Variants in AMZ1 observed in about 807,000 individuals in gnomAD.
AMZ1 encodes archaelysin family metallopeptidase 1.
A neutral mutation model predicts 29.9 loss-of-function variants in AMZ1; 39 were observed. That is an observed-to-expected ratio of 1.30 (90% confidence interval 1.01 to 1.70). AMZ1 has a LOEUF of 1.70. AMZ1 is among the 40% of genes most tolerant of loss of function. The pLI, the probability that AMZ1 is intolerant of heterozygous loss-of-function variation, is 0.00. For missense variants in AMZ1, 1,041 were observed against 680.6 expected (o/e 1.53, Z -5.89); for synonymous variants, 458 against 304.0 (o/e 1.51, Z -5.27).
chr7:2,746,735 T>G (rs868257191), intron 4 of AMZ1, among the ~76,000 whole-genome samples: 154 of 151,860 alleles, frequency 1.0e-3, no homozygotes, highest in African/African-American at 3.6e-3. Context: ...CAGGAGCTGG[T>G]TTTTTGAAAA....
intron 4 of AMZ1, among the ~76,000 whole-genome samples, chr7:2,745,785 C>G (rs1243361777): frequency 2.0e-5 from 3 of 152,106 alleles, no homozygotes; most frequent in Admixed American, 2.0e-4. Flanking sequence ...ATCTCACGTG[C>G]AGAGACACAC....
At chr7:2,749,378 A>G (rs562783537) in intron 4 of AMZ1, among the ~76,000 whole-genome samples, 9 of 152,266 alleles carry the variant, frequency 5.9e-5, no homozygotes, top group African/African-American at 2.2e-4. Flanking sequence ...GGATGAAACT[A>G]GAAACCATCA....
chr7:2,709,569 G>A lies in AMZ1; in HGVS notation c.772-71G>A. On this transcript the variant is annotated intron_variant, in intron 5 of 6. Coordinates refer to ENST00000683327, the MANE Select transcript of AMZ1 (RefSeq NM_001384743.1). ...CCAGGTCCTCATTTTGGTCCTGCTG[G>A]GGCTGCCTGGGGATCTGCCGGATGC... The A allele has an allele frequency of 1.9e-6, 3 of 1,551,534 alleles. No homozygotes were observed. The South Asian group carries it at 3.5e-5, about 18-fold the overall frequency.
rs1003202874 is a variant in AMZ1, at chr7:2,680,772, G to A, written c.-219+1101G>A. Among the ~76,000 whole-genome samples, 4 of 152,354 alleles carry A rather than the reference G, an allele frequency of 2.6e-5. No homozygotes were observed. The South Asian group carries it at 6.2e-4, about 24-fold the overall frequency. On this transcript the variant is annotated intron_variant, in intron 1 of 6. Coordinates refer to the AMZ1 transcript ENST00000312371. ...CAGGCCTGCCCAGCGCAGCCCATGC[G>A]CTCACTGGGGGCTCCTTCCCAGGGC...
chr7:2,707,386 G>T (rs798569), intron 3 of AMZ1, among the ~76,000 whole-genome samples: 9,537 of 151,812 alleles, frequency 0.063, 991 homozygotes, highest in African/African-American at 0.22. Context: ...CCTCTGTGCC[G>T]CAACCCCTCT....
At chr7:2,752,252 A>G (rs1791077767) in intron 4 of AMZ1, among the ~76,000 whole-genome samples, 1 of 152,214 alleles carries the variant, frequency 6.6e-6, no homozygotes, top group Non-Finnish European at 1.5e-5. Flanking sequence ...GCTTAAAAAA[A>G]AAGTCCTCTC....
At chr7:2,751,268 C>G (rs912755047) in intron 4 of AMZ1, among the ~76,000 whole-genome samples, 2 of 151,886 alleles carry the variant, frequency 1.3e-5, no homozygotes, top group African/African-American at 4.8e-5. Context: ...TGCTTGTAGT[C>G]CCAGCTACTC....
chr7:2,703,099 C>A lies in AMZ1; in HGVS notation c.472+210C>A, dbSNP rs116537521. Among the ~76,000 whole-genome samples the A allele has an allele frequency of 2.5e-3, 378 of 152,330 alleles. 1 individual carries two copies. Among genetic ancestry groups the A allele is most frequent in the African/African-American group, 8.9e-3 (370 of 41,586 alleles). On this transcript the variant is annotated intron_variant, in intron 3 of 6. Coordinates refer to ENST00000683327, the MANE Select transcript of AMZ1 (RefSeq NM_001384743.1). ...TGGGGACCTGACCATACAGCCAGTG[C>A]CCACAGGAAAACGCCAGAGCATGCA... is the stretch of plus-strand genomic sequence containing the variant.
intron 4 of AMZ1, among the ~76,000 whole-genome samples, chr7:2,740,989 G>A (rs1166725659): frequency 6.6e-6 from 1 of 152,210 alleles, no homozygotes; most frequent in East Asian, 1.9e-4. Flanking sequence ...AGCTTGCAGT[G>A]AGCTGAGATC....
In AMZ1 at chr7:2,713,918, T is replaced by C. The variant is rs1444430495; in HGVS notation, c.*1040T>C. The C allele has an allele frequency of 1.3e-5, 2 of 152,200 alleles. No individual in the cohort carries two copies. Among genetic ancestry groups the C allele is most frequent in the Admixed American group, 6.5e-5 (1 of 15,278 alleles). 9.4% of individuals were successfully genotyped at this position (152,200 alleles called of 1,614,324 possible). A position where few individuals can be genotyped will look rare whatever the true frequency, so the allele number is the denominator to read the frequency against. On this transcript the variant is annotated 3_prime_UTR_variant, in exon 7 of 7. Transcript: ENST00000683327. ...TGATCAGATGATCTGTCTTTCCTTTTTTTTTCGGTCTAGTTCTGTCAGTTG... is the reference window on the plus strand; with the variant it reads ...TGATCAGATGATCTGTCTTTCCTTTCTTTTTCGGTCTAGTTCTGTCAGTTG...
At chr7:2,710,784 C>A (rs148303973) in intron 6 of AMZ1, among the ~76,000 whole-genome samples, 1 of 152,166 alleles carries the variant, frequency 6.6e-6, no homozygotes, top group Non-Finnish European at 1.5e-5. Context: ...GGAACCCAGG[C>A]GCAGCCATGG....
intron 1 of AMZ1, among the ~76,000 whole-genome samples, chr7:2,693,121 A>G (rs1172018996): frequency 6.6e-6 from 1 of 152,078 alleles, no homozygotes; most frequent in African/African-American, 2.4e-5. Context: ...TTGTTTTGAG[A>G]TGGAGTTTTT....
At chr7:2,719,927 C>T (rs898791046), downstream of AMZ1, among the ~76,000 whole-genome samples, 4 of 152,176 alleles carry the variant, frequency 2.6e-5, no homozygotes, top group Admixed American at 2.0e-4. Flanking sequence ...GTGATCCACC[C>T]GCCTTGGCCT....
chr7:2,706,541 G>T (rs944398494), intron 3 of AMZ1, among the ~76,000 whole-genome samples: 1 of 152,164 alleles, frequency 6.6e-6, no homozygotes, highest in African/African-American at 2.4e-5. Flanking sequence ...CTCCGTGGAG[G>T]GTGCTTCCTG....
intron 1 of AMZ1, among the ~76,000 whole-genome samples, chr7:2,689,372 G>GGGT (rs751792021): frequency 2.0e-5 from 3 of 151,778 alleles, no homozygotes; most frequent in East Asian, 1.9e-4. Context: ...AACCTCCCTG[G>GGGT]GGGGGGGATG....
rs187554077 is a variant in AMZ1 at position 2,696,975 on chromosome 7, C to T, written c.-218-3259C>T. On this transcript the variant is annotated intron_variant, in intron 1 of 6. Transcript: ENST00000683327. ...GCAAAGCAATTTGCAATACAAATCACGATCCTTCAAACATCCACATGTGGA... is the reference window on the plus strand; with the variant it reads ...GCAAAGCAATTTGCAATACAAATCATGATCCTTCAAACATCCACATGTGGA... Among the ~76,000 whole-genome samples, 356 of 152,304 alleles carry T rather than the reference C, an allele frequency of 2.3e-3. 1 individual carries two copies. The highest frequency in any genetic ancestry group is 8.1e-3 in the African/African-American group (337 of 41,556).
At chr7:2,737,398 C>T (rs1246703038) in intron 4 of AMZ1, among the ~76,000 whole-genome samples, 1 of 147,682 alleles carries the variant, frequency 6.8e-6, no homozygotes, top group African/African-American at 2.5e-5. Context: ...AAGCAATTCT[C>T]CTGCCTCAGC....
rs752956889 is a variant in AMZ1 at position 2,712,334 on chromosome 7, T to C, written c.953T>C (p.Leu318Pro). The change falls in exon 7 of 7, where the codon CTC becomes CCC. Residue 318 changes from leucine to proline, a missense_variant. Coordinates refer to ENST00000683327, the MANE Select transcript of AMZ1 (RefSeq NM_001384743.1). ...GCCTGTGTTTCTCCCTCTTAGAGAC[T>C]CTACACCTGGACTCAGGCGGTGGTG... ...GFRLIERYQR[L>P]YTWTQAVVGT... 20 of 1,582,898 alleles carry C rather than the reference T, an allele frequency of 1.3e-5. No homozygotes were observed. The highest frequency in any genetic ancestry group is 8.6e-7 in the Non-Finnish European group (1 of 1,163,980).
At chr7:2,680,548 G>T (rs915989187) in intron 1 of AMZ1, among the ~76,000 whole-genome samples, 1 of 152,228 alleles carries the variant, frequency 6.6e-6, no homozygotes, top group African/African-American at 2.4e-5. Context: ...GGCTGGGGTT[G>T]CTGGAGATGC....
Sources: gnomAD v4.1 joint callset for allele counts (sites outside exome capture counted in the v4.1 genomes callset) on GRCh38, gnomAD v4.1.1 for gene constraint, MANE v1.5 for transcripts, NCBI Gene and HGNC (gene_info 2026-07-23, HGNC 2026-07-21) for gene names.